Variants in ZXDB observed in about 807,000 individuals in gnomAD.
ZXDB encodes zinc finger X-linked duplicated B.
For synonymous variants in ZXDB, 273 were observed against 314.3 expected (o/e 0.87, Z 1.39); for missense variants, 413 against 679.1 (o/e 0.61, Z 4.36).
At position 57,592,929 on chromosome X, in the gene ZXDB, C is replaced by T. The variant is rs1462831730; in HGVS notation, c.881C>T (p.Thr294Met). Residue 294 changes from threonine to methionine, a missense_variant, in exon 1 of 1, where the codon ACG becomes ATG. Transcript: ENST00000374888. ...KKHQLKVHLL[T>M]HSSSQGQRPF... ...CACCAGCTGAAGGTGCACCTGCTGA[C>T]GCACAGCAGCAGCCAGGGCCAGAGG... is the stretch of plus-strand genomic sequence containing the variant. 8.3e-7 allele frequency: 1 copy of T among 1,199,549 alleles called. No individual in the cohort carries two copies. Among genetic ancestry groups the T allele is most frequent in the Non-Finnish European group, 1.1e-6 (1 of 889,723 alleles).
chrX:57,596,399 GTA>G lies in ZXDB; in HGVS notation c.*1940_*1941del, dbSNP rs2057910801. Reference sequence around the variant, plus strand: ...AGGAAAGATTGAACTGGAATATTGTGTAAACTATCTGTCTTACATTAGTGTAG... The same window carrying G: ...AGGAAAGATTGAACTGGAATATTGTGAACTATCTGTCTTACATTAGTGTAG... On this transcript the variant is annotated 3_prime_UTR_variant, in exon 1 of 1. Coordinates refer to ENST00000374888, the MANE Select transcript of ZXDB (RefSeq NM_007157.4). 8.1e-6 allele frequency: 1 copy of G among 123,175 alleles called. No individual in the cohort carries two copies. Among genetic ancestry groups the G allele is most frequent in the African/African-American group, 3.3e-5 (1 of 30,743 alleles). 10.2% of individuals were successfully genotyped at this position (123,175 alleles called of 1,213,427 possible). A position where few individuals can be genotyped will look rare whatever the true frequency, so the allele number is the denominator to read the frequency against.
rs767976122 is a variant in ZXDB at position 57,597,178 on chromosome X, G to A, written c.*2718G>A. The A allele has an allele frequency of 8.1e-6, 1 of 122,888 alleles. No individual in the cohort carries two copies. Among genetic ancestry groups the A allele is most frequent in the Non-Finnish European group, 1.9e-5 (1 of 53,087 alleles). 10.1% of individuals were successfully genotyped at this position (122,888 alleles called of 1,213,427 possible). On this transcript the variant is annotated 3_prime_UTR_variant, in exon 1 of 1. Coordinates refer to ENST00000374888, the MANE Select transcript of ZXDB (RefSeq NM_007157.4). ...TGTGTGCGTGTGTGTTTTGAAATAC[G>A]CACACAGCCACACCCACATATATAT...
Position 57,592,294 on chromosome X carries a change from C to T in ZXDB, c.246C>T (p.Ser82=). Residue 82 remains serine (S), a synonymous_variant, in exon 1 of 1, where the codon AGC becomes AGT. Coordinates refer to ENST00000374888, the MANE Select transcript of ZXDB (RefSeq NM_007157.4). ...SLLAPRTDQP[S]GGGGGGGDDF... Reference sequence around the variant, plus strand: ...TGGCGCCGAGGACCGATCAACCTAGCGGCGGCGGCGGCGGCGGCGGCGACG... The same window carrying T: ...TGGCGCCGAGGACCGATCAACCTAGTGGCGGCGGCGGCGGCGGCGGCGACG... The T allele has an allele frequency of 1.7e-6, 2 of 1,156,486 alleles. No homozygotes were observed. Among genetic ancestry groups the T allele is most frequent in the East Asian group, 3.3e-5 (1 of 30,456 alleles).
At position 57,593,358 on chromosome X, in the gene ZXDB, A is replaced by G. The variant is rs1157629388; in HGVS notation, c.1310A>G (p.Lys437Arg). The change falls in exon 1 of 1, where the codon AAG becomes AGG. Residue 437 changes from lysine (K) to arginine (R), a missense_variant. Coordinates refer to ENST00000374888, the MANE Select transcript of ZXDB (RefSeq NM_007157.4). ...CCTGGCTGCAGCAAACAATATGACA[A>G]GGCTTGTAGGCTGAAAATTCACCTG... is the stretch of plus-strand genomic sequence containing the variant. The part of the protein sequence containing the change: ...SFPGCSKQYD[K>R]ACRLKIHLRS... 8.3e-7 allele frequency: 1 copy of G among 1,209,887 alleles called. No homozygotes were observed. Among genetic ancestry groups the G allele is most frequent in the Non-Finnish European group, 1.1e-6 (1 of 895,156 alleles).
rs1253471935 is a variant in ZXDB at position 57,595,645 on chromosome X, A to C, written c.*1185A>C. On this transcript the variant is annotated 3_prime_UTR_variant, in exon 1 of 1. Coordinates refer to ENST00000374888, the MANE Select transcript of ZXDB (RefSeq NM_007157.4). The stretch of plus-strand genomic sequence containing the variant: ...AAATATTTTCTTAAATAGTCATAGA[A>C]CTAACAAGAAAAAATAGATAGCAAA... 1 of 123,766 alleles carries C rather than the reference A, an allele frequency of 8.1e-6. No homozygotes were observed. Among genetic ancestry groups the C allele is most frequent in the Non-Finnish European group, 1.9e-5 (1 of 53,394 alleles). The allele number at this position is 123,766 out of a possible 1,213,427, so 10.2% of individuals were successfully genotyped here. A position where few individuals can be genotyped will look rare whatever the true frequency, so the allele number is the denominator to read the frequency against.
Position 57,595,979 on chromosome X carries a change from C to T in ZXDB, c.*1519C>T, listed in dbSNP as rs964870487. On this transcript the variant is annotated 3_prime_UTR_variant, in exon 1 of 1. Coordinates refer to ENST00000374888, the MANE Select transcript of ZXDB (RefSeq NM_007157.4). Reference sequence around the variant, plus strand: ...GTTGGTGAATTTGTACCATTTTTATCCTCTCAGTCCTTCCTTTTATAAGAC... The same window carrying T: ...GTTGGTGAATTTGTACCATTTTTATTCTCTCAGTCCTTCCTTTTATAAGAC... 1 of 123,401 alleles carries T rather than the reference C, an allele frequency of 8.1e-6. No homozygotes were observed. Among genetic ancestry groups the T allele is most frequent in the Non-Finnish European group, 1.9e-5 (1 of 53,311 alleles). The allele number at this position is 123,401 out of a possible 1,213,427, so 10.2% of individuals were successfully genotyped here.
chrX:57,594,497 T>C lies in ZXDB; in HGVS notation c.*37T>C. ...TCATTCCTCATCATGTGGCTTACTT[T>C]TATTACAGTCAATTTTGAGGATATT... On this transcript the variant is annotated 3_prime_UTR_variant, in exon 1 of 1. Coordinates refer to ENST00000374888, the MANE Select transcript of ZXDB (RefSeq NM_007157.4). The C allele has an allele frequency of 8.6e-7, 1 of 1,159,895 alleles. No individual in the cohort carries two copies. Among genetic ancestry groups the C allele is most frequent in the Non-Finnish European group, 1.1e-6 (1 of 870,259 alleles).
rs1479132995 is a variant in ZXDB, at chrX:57,592,475, G to C, written c.427G>C (p.Gly143Arg). Residue 143 changes from glycine to arginine, a missense_variant, in exon 1 of 1, where the codon GGC becomes CGC. Transcript: ENST00000374888. Reference protein sequence around the residue: ...GANPAGPTALGPRCLSAVPTP... With the variant: ...GANPAGPTALRPRCLSAVPTP... The stretch of plus-strand genomic sequence containing the variant: ...GAATCCCGCGGGGCCCACTGCGCTA[G>C]GCCCCCGCTGCCTGTCCGCGGTTCC... 3 of 1,179,775 alleles carry C rather than the reference G, an allele frequency of 2.5e-6. No homozygotes were observed. The highest frequency in any genetic ancestry group is 3.4e-6 in the Non-Finnish European group (3 of 881,603).
Position 57,593,058 on chromosome X carries a change from C to T in ZXDB, c.1010C>T (p.Pro337Leu), listed in dbSNP as rs769580805. Residue 337 changes from proline (P) to leucine (L), a missense_variant, in exon 1 of 1, where the codon CCG (proline) becomes CTG (leucine). Physicochemically the swap from Pro to Leu is moderately conservative, Grantham distance 98 (BLOSUM62 -3). Transcript: ENST00000374888. ...GACAAACTGCGGCCCTTTGGCTGCC[C>T]GGCAGAGGGCTGTGGCAAGAGCTTC... ...SHDKLRPFGC[P>L]AEGCGKSFTT... 9.9e-6 allele frequency: 12 copies of T among 1,210,069 alleles called. No individual in the cohort carries two copies. The highest frequency in any genetic ancestry group is 3.5e-5 in the African/African-American group (2 of 57,204).
Position 57,592,291 on chromosome X carries a change from T to TAGCGGCGGC in ZXDB, c.244_252dup (p.Ser82_Gly84dup), listed in dbSNP as rs769575259. 90 of 1,184,306 alleles carry TAGCGGCGGC rather than the reference T, an allele frequency of 7.6e-5. No individual in the cohort carries two copies. In the East Asian group the frequency reaches 2.5e-3, roughly 33 times the overall value. ...TGTTGGCGCCGAGGACCGATCAACC[T>TAGCGGCGGC]AGCGGCGGCGGCGGCGGCGGCGGCG... On this transcript the variant is annotated inframe_insertion, in exon 1 of 1. Transcript: ENST00000374888.
chrX:57,592,128 G>T lies in ZXDB; in HGVS notation c.80G>T (p.Arg27Leu), dbSNP rs1280563516. The T allele has an allele frequency of 9.6e-7, 1 of 1,038,712 alleles. No homozygotes were observed. Among genetic ancestry groups the T allele is most frequent in the Non-Finnish European group, 1.2e-6 (1 of 817,201 alleles). 85.6% of individuals were successfully genotyped at this position (1,038,712 alleles called of 1,213,427 possible). The stretch of plus-strand genomic sequence containing the variant: ...GGCGGTATCCCCGCGGGTGGCGGCC[G>T]AGTCCACCGAGGCCCTGACTCGCCG... ...GGGGIPAGGG[R>L]VHRGPDSPAG... is the part of the protein sequence containing the mutation. The change falls in exon 1 of 1, where the codon CGA becomes CTA. Residue 27 changes from arginine to leucine, a missense_variant. Arg to Leu is a moderately radical substitution (Grantham distance 102). Coordinates refer to ENST00000374888, the MANE Select transcript of ZXDB (RefSeq NM_007157.4).
In ZXDB at chrX:57,594,224, C is replaced by T; in HGVS notation, c.2176C>T (p.Pro726Ser). Residue 726 changes from proline (P) to serine (S), a missense_variant, in exon 1 of 1, where the codon CCC (proline) becomes TCC (serine). Physicochemically the swap from Pro to Ser is moderately conservative, Grantham distance 74 (BLOSUM62 -1). Transcript: ENST00000374888. ...CAGTCCAGAGCCTCAGGCTTTGACA[C>T]CCAGCAGTAAGCTAACAGTGGACAC... The part of the protein sequence containing the change: ...NSSPEPQALT[P>S]SSKLTVDTDA... The T allele has an allele frequency of 5.8e-6, 7 of 1,210,905 alleles. No homozygotes were observed. The highest frequency in any genetic ancestry group is 7.8e-6 in the Non-Finnish European group (7 of 895,275).
chrX:57,593,332 T>C lies in ZXDB; in HGVS notation c.1284T>C (p.Phe428=), dbSNP rs377295422. 170 of 1,209,968 alleles carry C rather than the reference T, an allele frequency of 1.4e-4. 1 individual carries two copies. The African/African-American group carries it at 1.6e-3, about 11-fold the overall frequency. The change falls in exon 1 of 1, where the codon TTT becomes TTC. Residue 428 remains phenylalanine (F), a synonymous_variant. Coordinates refer to ENST00000374888, the MANE Select transcript of ZXDB (RefSeq NM_007157.4). The part of the protein sequence containing the change: ...FREQELFSCS[F]PGCSKQYDKA... Reference sequence around the variant, plus strand: ...AACAGGAACTGTTTTCCTGCTCTTTTCCTGGCTGCAGCAAACAATATGACA... The same window carrying C: ...AACAGGAACTGTTTTCCTGCTCTTTCCCTGGCTGCAGCAAACAATATGACA...
chrX:57,592,336 G>A lies in ZXDB; in HGVS notation c.288G>A (p.Leu96=), dbSNP rs1447311482. 2 of 1,192,116 alleles carry A rather than the reference G, an allele frequency of 1.7e-6. No individual in the cohort carries two copies. The highest frequency in any genetic ancestry group is 2.2e-6 in the Non-Finnish European group (2 of 890,022). ...GGGGDDFFLV[L]LDPVGGDVET... ...GCGGCGACGACTTCTTCCTGGTGCT[G>A]CTTGACCCGGTGGGTGGCGACGTGG... is the stretch of plus-strand genomic sequence containing the variant. The change falls in exon 1 of 1, where the codon CTG becomes CTA. Residue 96 remains leucine, a synonymous_variant. Coordinates refer to ENST00000374888, the MANE Select transcript of ZXDB (RefSeq NM_007157.4).
rs1489037255 is a variant in ZXDB, at chrX:57,593,535, C to T, written c.1487C>T (p.Thr496Met). Residue 496 changes from threonine (T) to methionine (M), a missense_variant, in exon 1 of 1, where the codon ACG becomes ATG. Thr to Met is a moderately conservative substitution (Grantham distance 81, BLOSUM62 -1). Coordinates refer to ENST00000374888, the MANE Select transcript of ZXDB (RefSeq NM_007157.4). ...CPVEGCGKSFTRAEHLKGHSI... is the reference protein window; with the variant it reads ...CPVEGCGKSFMRAEHLKGHSI... ...GTGGAAGGCTGTGGGAAATCTTTCA[C>T]GAGGGCGGAACATCTGAAAGGCCAC... The T allele has an allele frequency of 8.3e-7, 1 of 1,211,563 alleles. No homozygotes were observed. The highest frequency in any genetic ancestry group is 2.2e-5 in the Admixed American group (1 of 46,050).
Position 57,592,402 on chromosome X carries a change from G to T in ZXDB, c.354G>T (p.Arg118Ser). 1 of 1,175,707 alleles carries T rather than the reference G, an allele frequency of 8.5e-7. No individual in the cohort carries two copies. Among genetic ancestry groups the T allele is most frequent in the Non-Finnish European group, 1.1e-6 (1 of 882,165 alleles). Residue 118 changes from arginine (R) to serine (S), a missense_variant, in exon 1 of 1, where the codon AGG (arginine) becomes AGT (serine). Physicochemically the swap from Arg to Ser is moderately radical, Grantham distance 110. Coordinates refer to ENST00000374888, the MANE Select transcript of ZXDB (RefSeq NM_007157.4). The part of the protein sequence containing the change: ...GSGQAAGPVL[R>S]EEAEEGPGLQ... ...GTCAGGCCGCAGGGCCTGTGTTGAGGGAGGAGGCCGAGGAGGGCCCGGGGC... is the reference window on the plus strand; with the variant it reads ...GTCAGGCCGCAGGGCCTGTGTTGAGTGAGGAGGCCGAGGAGGGCCCGGGGC...
Position 57,594,429 on chromosome X carries a change from T to C in ZXDB, c.2381T>C (p.Ile794Thr). The C allele has an allele frequency of 8.3e-7, 1 of 1,209,245 alleles. No individual in the cohort carries two copies. Among genetic ancestry groups the C allele is most frequent in the South Asian group, 1.8e-5 (1 of 56,416 alleles). The change falls in exon 1 of 1, where the codon ATC (isoleucine) becomes ACC (threonine). Residue 794 changes from isoleucine to threonine, a missense_variant. Transcript: ENST00000374888. ...NHGSQKETDL[I>T]TVTGSSFLV ...GGTTCTCAGAAAGAAACAGATCTTA[T>C]CACTGTGACTGGCAGCTCATTTTTG...
Position 57,592,529 on chromosome X carries a change from C to A in ZXDB, c.481C>A (p.Pro161Thr). The A allele has an allele frequency of 1.7e-6, 2 of 1,185,191 alleles. No individual in the cohort carries two copies. The highest frequency in any genetic ancestry group is 1.8e-5 in the South Asian group (1 of 54,097). Residue 161 changes from proline to threonine, a missense_variant, in exon 1 of 1, where the codon CCC (proline) becomes ACC (threonine). By Grantham distance (38) the Pro-to-Thr change is conservative. Coordinates refer to ENST00000374888, the MANE Select transcript of ZXDB (RefSeq NM_007157.4). ...TCCGGCCCCGATCTCCGCCCCCGGC[C>A]CCGCCGCGGCCTTCGCGGGCACAGT... ...PTPAPISAPG[P>T]AAAFAGTVTI... is the part of the protein sequence containing the mutation.
In ZXDB at chrX:57,592,893, T is replaced by G; in HGVS notation, c.845T>G (p.Phe282Cys). The G allele has an allele frequency of 3.4e-6, 4 of 1,188,702 alleles. No homozygotes were observed. The highest frequency in any genetic ancestry group is 4.5e-6 in the Non-Finnish European group (4 of 884,496). The change falls in exon 1 of 1, where the codon TTC becomes TGC. Residue 282 changes from phenylalanine to cysteine, a missense_variant. Phe to Cys is a radical substitution (Grantham distance 205, BLOSUM62 -2). Coordinates refer to ENST00000374888, the MANE Select transcript of ZXDB (RefSeq NM_007157.4). ...LCPEAQCGQT[F>C]AKKHQLKVHL... Reference sequence around the variant, plus strand: ...CCCGAGGCGCAGTGCGGGCAAACCTTCGCCAAGAAGCACCAGCTGAAGGTG... The same window carrying G: ...CCCGAGGCGCAGTGCGGGCAAACCTGCGCCAAGAAGCACCAGCTGAAGGTG...
Sources: allele counts gnomAD v4.1 joint callset, GRCh38; gene constraint gnomAD v4.1.1; transcripts MANE v1.5; gene names NCBI Gene and HGNC (gene_info 2026-07-23, HGNC 2026-07-21).